The following OTUD7A variants were observed in gnomAD, a reference collection of about 807,000 sequenced individuals.
The protein encoded by OTUD7A is OTU domain-containing protein 7A.
Under a neutral mutation model 65.7 loss-of-function variants are expected in OTUD7A, and 12 were observed. That is an observed-to-expected ratio of 0.18 (90% CI 0.12 to 0.30). The LOEUF is 0.30. Among genes scored for constraint, OTUD7A ranks in the 10% least tolerant of loss-of-function variants. The probability of loss-of-function intolerance (pLI) is 1.00; values close to 1 mark genes in which losing one functional copy is unlikely to be tolerated. For synonymous variants in OTUD7A, 641 were observed against 586.3 expected (o/e 1.09, Z -1.35); for missense variants, 1,148 against 1,304.8 (o/e 0.88, Z 1.85).
intron 1 of OTUD7A, among the ~76,000 whole-genome samples, chr15:31,741,010 A>C (rs1894328850): frequency 6.6e-6 from 1 of 152,266 alleles, no homozygotes; most frequent in Admixed American, 6.5e-5. Context: ...ACTTTACTTA[A>C]GGGTCATATA....
intron 1 of OTUD7A, among the ~76,000 whole-genome samples, chr15:31,674,180 A>G (rs1336398762): frequency 6.6e-6 from 1 of 152,198 alleles, no homozygotes; most frequent in African/African-American, 2.4e-5. Flanking sequence ...GGATTAAGGA[A>G]AAGTGCAAAG....
chr15:31,545,993 G>A (rs1003746180), intron 5 of OTUD7A, among the ~76,000 whole-genome samples: 1 of 152,188 alleles, frequency 6.6e-6, no homozygotes, highest in African/African-American at 2.4e-5. Flanking sequence ...TTTGCTGTGT[G>A]CCAAATAGTA....
intron 1 of OTUD7A, among the ~76,000 whole-genome samples, chr15:31,856,806 G>A (rs968868949): frequency 7.9e-5 from 12 of 152,224 alleles, no homozygotes; most frequent in Admixed American, 2.0e-4. Flanking sequence ...AAATTCTGAC[G>A]TCTGCCCAAC....
At chr15:31,557,844 G>A (rs561633676) in intron 5 of OTUD7A, 1 of 151,790 alleles carries the variant, frequency 6.6e-6, no homozygotes, top group African/African-American at 2.4e-5. Context: ...ATTTTATTGG[G>A]TCTTCGCCGA....
At chr15:31,493,375 C>T (rs1182540838) in intron 10 of OTUD7A, among the ~76,000 whole-genome samples, 5 of 152,116 alleles carry the variant, frequency 3.3e-5, no homozygotes, top group Admixed American at 3.3e-4. Context: ...AACATAGCTT[C>T]AAAGTACATG....
At chr15:31,584,015 C>G (rs1889452174) in intron 3 of OTUD7A, among the ~76,000 whole-genome samples, 1 of 152,194 alleles carries the variant, frequency 6.6e-6, no homozygotes, top group Non-Finnish European at 1.5e-5. Context: ...GAGATGAGGT[C>G]TCTGTCAGTG....
At chr15:31,713,219 G>C (rs950319224) in intron 1 of OTUD7A, among the ~76,000 whole-genome samples, 5 of 152,216 alleles carry the variant, frequency 3.3e-5, no homozygotes, top group African/African-American at 1.2e-4. Context: ...GTTTCTGAAT[G>C]TAGAGGGTAA....
chr15:31,491,420 T>C (rs1189788737), intron 10 of OTUD7A, among the ~76,000 whole-genome samples: 1 of 152,142 alleles, frequency 6.6e-6, no homozygotes, highest in African/African-American at 2.4e-5. Context: ...GCAAAGAATC[T>C]GATCTGTAAA....
At position 31,627,754 on chromosome 15, in the gene OTUD7A, T is replaced by C. The variant is rs181911432; in HGVS notation, c.151+27342A>G. Among the ~76,000 whole-genome samples the C allele has an allele frequency of 1.4e-4, 21 of 152,334 alleles. No homozygotes were observed. In the East Asian group the frequency reaches 4.1e-3, roughly 29 times the overall value. On this transcript the variant is annotated intron_variant, in intron 3 of 12. Transcript: ENST00000307050. ...TTTCCACATCCTCTCCAGCACCTGT[T>C]GTTTCCTGACTTTTTAATGATCGCC...
chr15:31,574,186 T>C (rs1033850261), intron 3 of OTUD7A, among the ~76,000 whole-genome samples: 1 of 152,188 alleles, frequency 6.6e-6, no homozygotes, highest in African/African-American at 2.4e-5. Context: ...TGTATTGTTA[T>C]ACTAGTGGTT....
chr15:31,580,251 G>A (rs1006586893), intron 3 of OTUD7A, among the ~76,000 whole-genome samples: 4 of 152,130 alleles, frequency 2.6e-5, no homozygotes, highest in African/African-American at 9.7e-5. Context: ...GTCTGGTTAG[G>A]ATGATGGTAG....
chr15:31,550,356 C>G (rs1303395381), intron 5 of OTUD7A, among the ~76,000 whole-genome samples: 1 of 152,158 alleles, frequency 6.6e-6, no homozygotes, highest in East Asian at 1.9e-4. Flanking sequence ...ACCCTGAACC[C>G]TAGGCTGCTA....
chr15:31,502,048 G>A (rs2041477357), intron 9 of OTUD7A, among the ~76,000 whole-genome samples: 1 of 152,188 alleles, frequency 6.6e-6, no homozygotes, highest in African/African-American at 2.4e-5. Flanking sequence ...CCTGAGACCT[G>A]CACAGGTGTA....
chr15:31,838,012 A>G (rs975129107), intron 1 of OTUD7A, among the ~76,000 whole-genome samples: 1 of 152,262 alleles, frequency 6.6e-6, no homozygotes, highest in Non-Finnish European at 1.5e-5. Context: ...AAGTAGAAAA[A>G]GCAATTCAAT....
chr15:31,788,403 T>C (rs1247953283), intron 1 of OTUD7A, among the ~76,000 whole-genome samples: 2 of 152,338 alleles, frequency 1.3e-5, no homozygotes, highest in African/African-American at 4.8e-5. Context: ...ATGTTTGCCA[T>C]GTCTTCAGAT....
Position 31,664,736 on chromosome 15 carries a change from C to T in OTUD7A, c.-99-7659G>A, listed in dbSNP as rs1305915910. On this transcript the variant is annotated intron_variant, in intron 1 of 12. Transcript: ENST00000307050. The stretch of plus-strand genomic sequence containing the variant: ...CTTGCTCGTGAAATCCTTGACTAAG[C>T]CAATGTCTACAAGGGGTTTTCCAAT... Among the ~76,000 whole-genome samples, 4 of 152,156 alleles carry T rather than the reference C, an allele frequency of 2.6e-5. No individual in the cohort carries two copies. In the East Asian group the frequency reaches 5.8e-4, roughly 22 times the overall value.
At chr15:31,759,626 C>T (rs556148152) in intron 1 of OTUD7A, among the ~76,000 whole-genome samples, 1 of 152,156 alleles carries the variant, frequency 6.6e-6, no homozygotes, top group African/African-American at 2.4e-5. Context: ...CTCTGCCTCC[C>T]GGGTTCAAGC....
At chr15:31,804,489 T>G (rs1206504128) in intron 1 of OTUD7A, among the ~76,000 whole-genome samples, 1 of 152,130 alleles carries the variant, frequency 6.6e-6, no homozygotes, top group African/African-American at 2.4e-5. Context: ...CCTCCTCCCC[T>G]TTCTCCTCCA....
intron 1 of OTUD7A, among the ~76,000 whole-genome samples, chr15:31,657,901 C>A (rs1566963625): frequency 1.3e-5 from 2 of 152,190 alleles, no homozygotes; most frequent in Non-Finnish European, 2.9e-5. Context: ...GTGGCCGTGC[C>A]CTGGCCCTGC....
Sources: gnomAD v4.1 joint callset for allele counts (sites outside exome capture counted in the v4.1 genomes callset) on GRCh38, gnomAD v4.1.1 for gene constraint, MANE v1.5 for transcripts, NCBI Gene and HGNC (gene_info 2026-07-23, HGNC 2026-07-21) for gene names.